ZBTB10: variants seen among roughly 807,000 people sequenced by gnomAD.
ZBTB10 encodes zinc finger and BTB domain containing 10, also known as zinc finger and BTB domain-containing protein 10.
ZBTB10 carries 32 observed loss-of-function variants against 76.4 expected under a neutral mutation model. The observed-to-expected ratio is 0.42, with a 90% confidence interval of 0.32 to 0.56. The LOEUF (loss-of-function observed/expected upper bound fraction) is 0.56, where lower values mean the gene tolerates loss of function less well. Ranked by LOEUF, ZBTB10 falls within the 20% of genes least tolerant of loss-of-function variation. The probability of loss-of-function intolerance (pLI) is 0.14; values close to 1 mark genes in which losing one functional copy is unlikely to be tolerated. For synonymous variants in ZBTB10, 523 were observed against 432.9 expected (o/e 1.21, Z -2.58); for missense variants, 1,057 against 1,098.5 (o/e 0.96, Z 0.53).
Position 80,513,893 on chromosome 8 carries a change from C to T in ZBTB10, c.1862-17C>T. On this transcript the variant is annotated splice_polypyrimidine_tract_variant and intron_variant, in intron 2 of 5. Transcript: ENST00000455036. The stretch of plus-strand genomic sequence containing the variant: ...TGGTGTGGTTTGTAGATAAATTTTT[C>T]TATGTTTCCTTTTCAGATTTAGATG... The T allele has an allele frequency of 6.2e-7, 1 of 1,609,406 alleles. No individual in the cohort carries two copies. Among genetic ancestry groups the T allele is most frequent in the Non-Finnish European group, 8.5e-7 (1 of 1,176,944 alleles).
intron 1 of ZBTB10, among the ~76,000 whole-genome samples, chr8:80,493,203 G>GCACACACA (rs1184343848): frequency 2.8e-5 from 3 of 107,770 alleles, no homozygotes; most frequent in Admixed American, 2.0e-4. Flanking sequence ...ACGCGCGCGC[G>GCACACACA]CGCGCACACA....
In ZBTB10 at chr8:80,491,667, G is replaced by A. The variant is rs140375382; in HGVS notation, c.972+3885G>A. 6.4e-3 allele frequency among the ~76,000 whole-genome samples: 972 copies of A among 152,292 alleles called. 3 individuals are homozygous for A. Among genetic ancestry groups the A allele is most frequent in the Non-Finnish European group, 0.011 (769 of 68,024 alleles). ...GGGACAATTAATAGTTTAATTTTGAGTAACAATTGACTACATCGTCAGAGT... is the reference window on the plus strand; with the variant it reads ...GGGACAATTAATAGTTTAATTTTGAATAACAATTGACTACATCGTCAGAGT... On this transcript the variant is annotated intron_variant, in intron 1 of 5. Transcript: ENST00000455036.
Position 80,500,130 on chromosome 8 carries a change from A to G in ZBTB10, c.1609A>G (p.Ser537Gly). The part of the protein sequence containing the change: ...QIENYQMNDS[S>G]WVQDGSPEMA... Reference sequence around the variant, plus strand: ...AGAAAACTACCAAATGAATGACAGTAGTTGGGTCCAGGATGGATCTCCTGA... The same window carrying G: ...AGAAAACTACCAAATGAATGACAGTGGTTGGGTCCAGGATGGATCTCCTGA... Residue 537 changes from serine to glycine, a missense_variant, in exon 2 of 6, where the codon AGT (serine) becomes GGT (glycine). Ser to Gly is a moderately conservative substitution (Grantham distance 56, BLOSUM62 0). Transcript: ENST00000455036. 1 of 1,613,898 alleles carries G rather than the reference A, an allele frequency of 6.2e-7. No homozygotes were observed. The highest frequency in any genetic ancestry group is 8.5e-7 in the Non-Finnish European group (1 of 1,179,834).
rs1208280474 is a variant in ZBTB10, at chr8:80,487,067, G to A, written c.257G>A (p.Gly86Asp). ...GAGGCCTCCGCCGGGCCGGCCGCCG[G>A]CGCCGCCGAGGAAGCCAAGGAGTTG... The part of the protein sequence containing the change: ...DLEASAGPAA[G>D]AAEEAKELLL... Residue 86 changes from glycine to aspartate, a missense_variant, in exon 1 of 6, where the codon GGC (glycine) becomes GAC (aspartate). By Grantham distance (94) the Gly-to-Asp change is moderately conservative. Transcript: ENST00000455036. 2 of 1,515,880 alleles carry A rather than the reference G, an allele frequency of 1.3e-6. No individual in the cohort carries two copies. Among genetic ancestry groups the A allele is most frequent in the Non-Finnish European group, 8.8e-7 (1 of 1,138,930 alleles). The allele number at this position is 1,515,880 out of a possible 1,614,324, so 93.9% of individuals were successfully genotyped here.
At chr8:80,506,886 T>A (rs1035415057) in intron 2 of ZBTB10, among the ~76,000 whole-genome samples, 5 of 150,750 alleles carry the variant, frequency 3.3e-5, no homozygotes, top group Admixed American at 2.6e-4. Flanking sequence ...CTATGAAGGA[T>A]GAGATGCAAG....
At chr8:80,501,726 A>G (rs569429204) in intron 2 of ZBTB10, among the ~76,000 whole-genome samples, 9 of 152,272 alleles carry the variant, frequency 5.9e-5, no homozygotes, top group East Asian at 1.9e-4. Context: ...TCAAGTGTGT[A>G]TATATAACGA....
intron 2 of ZBTB10, among the ~76,000 whole-genome samples, chr8:80,506,414 A>G (rs928272002): frequency 6.6e-6 from 1 of 151,898 alleles, no homozygotes; most frequent in Non-Finnish European, 1.5e-5. Context: ...TCCAGGGCTC[A>G]AGCAATTCTC....
chr8:80,506,208 A>G (rs1816048050), intron 2 of ZBTB10, among the ~76,000 whole-genome samples: 1 of 152,194 alleles, frequency 6.6e-6, no homozygotes, highest in Admixed American at 6.5e-5. Flanking sequence ...TGAAATCTTA[A>G]TAGTTCTGAG....
At chr8:80,495,156 G>A (rs1020822161) in intron 1 of ZBTB10, among the ~76,000 whole-genome samples, 16 of 149,392 alleles carry the variant, frequency 1.1e-4, no homozygotes, top group East Asian at 2.0e-4. Flanking sequence ...TTTTTAAGGA[G>A]ATAGGGTTTC....
At chr8:80,510,667 T>G (rs1339834882) in intron 2 of ZBTB10, among the ~76,000 whole-genome samples, 2 of 151,822 alleles carry the variant, frequency 1.3e-5, no homozygotes, top group African/African-American at 2.4e-5. Flanking sequence ...TGTGTGTGTG[T>G]GTGTGTGTGT....
chr8:80,499,344 C>A, intron 1 of ZBTB10, 150 bp from the exon 2 acceptor site: 1 of 751,132 alleles, frequency 1.3e-6, no homozygotes, highest in South Asian at 3.2e-5. Flanking sequence ...CAGTGGGTTG[C>A]ACCACCACTG....
At chr8:80,505,369 G>A (rs1255558260) in intron 2 of ZBTB10, among the ~76,000 whole-genome samples, 1 of 152,134 alleles carries the variant, frequency 6.6e-6, no homozygotes, top group Non-Finnish European at 1.5e-5. Context: ...ATGTTTTCTA[G>A]TAAATGCAGC....
At chr8:80,513,174 T>C (rs1307691683) in intron 2 of ZBTB10, among the ~76,000 whole-genome samples, 1 of 152,032 alleles carries the variant, frequency 6.6e-6, no homozygotes, top group Non-Finnish European at 1.5e-5. Flanking sequence ...GGGGTCTCAC[T>C]CTGTCACCCC....
chr8:80,493,204 CG>C (rs1563457184), intron 1 of ZBTB10, among the ~76,000 whole-genome samples: 1 of 115,790 alleles, frequency 8.6e-6, no homozygotes, highest in Non-Finnish European at 1.8e-5. Context: ...CGCGCGCGCG[CG>C]CGCACACACA....
At chr8:80,516,226 C>T (rs560694185) in intron 3 of ZBTB10, among the ~76,000 whole-genome samples, 138 of 152,240 alleles carry the variant, frequency 9.1e-4, no homozygotes, top group Middle Eastern at 3.4e-3. Flanking sequence ...TGGCCTATTT[C>T]CTTATTCTTA....
intron 3 of ZBTB10, among the ~76,000 whole-genome samples, chr8:80,516,240 G>C (rs1034183549): frequency 1.3e-5 from 2 of 152,128 alleles, no homozygotes; most frequent in Non-Finnish European, 2.9e-5. Flanking sequence ...ATTCTTACAT[G>C]TTGTGAATAA....
chr8:80,499,462 G>A (rs1815867336), intron 1 of ZBTB10, 32 bp from the exon 2 acceptor site: 1 of 1,521,922 alleles, frequency 6.6e-7, no homozygotes, highest in South Asian at 1.3e-5. Context: ...AGTCAATAAA[G>A]TTTAATATTA....
intron 1 of ZBTB10, among the ~76,000 whole-genome samples, chr8:80,491,850 C>T (rs1815639573): frequency 6.6e-6 from 1 of 152,162 alleles, no homozygotes; most frequent in African/African-American, 2.4e-5. Context: ...TCAACTCTTC[C>T]TGGGAGAAAC....
Position 80,486,877 on chromosome 8 carries a change from G to A in ZBTB10, c.67G>A (p.Gly23Ser). The A allele has an allele frequency of 6.6e-7, 1 of 1,513,050 alleles. No individual in the cohort carries two copies. The highest frequency in any genetic ancestry group is 8.8e-7 in the Non-Finnish European group (1 of 1,132,862). The allele number at this position is 1,513,050 out of a possible 1,614,324, so 93.7% of individuals were successfully genotyped here. Reference sequence around the variant, plus strand: ...AGGAGGCGGGTTGGTCACCGCTAGCGGCGGCGGCTCCACGAACAATAACGC... The same window carrying A: ...AGGAGGCGGGTTGGTCACCGCTAGCAGCGGCGGCTCCACGAACAATAACGC... ...FRGGGLVTAS[G>S]GGSTNNNAGG... is the part of the protein sequence containing the mutation. Residue 23 changes from glycine (G) to serine (S), a missense_variant, in exon 1 of 6, where the codon GGC becomes AGC. Gly to Ser is a moderately conservative substitution (Grantham distance 56, BLOSUM62 0). Coordinates refer to ENST00000455036, the MANE Select transcript of ZBTB10 (RefSeq NM_001105539.3).
Sources: allele counts gnomAD v4.1 joint callset (sites outside exome capture counted in the v4.1 genomes callset), GRCh38; gene constraint gnomAD v4.1.1; transcripts MANE v1.5; gene names NCBI Gene and HGNC (gene_info 2026-07-23, HGNC 2026-07-21).